Variants in HPS1 observed in about 807,000 individuals in gnomAD.
HPS1 encodes the protein BLOC-3 complex member HPS1.
Under a neutral mutation model 90.6 loss-of-function variants are expected in HPS1, and 59 were observed. The ratio of observed to expected loss-of-function variants is 0.65; its 90% CI spans 0.53 to 0.81. The LOEUF is 0.81. HPS1 is among the 30% of genes least tolerant of loss of function. The probability of loss-of-function intolerance (pLI) is 0.00; values close to 1 mark genes in which losing one functional copy is unlikely to be tolerated. For missense variants in HPS1, 849 were observed against 896.7 expected, an observed-to-expected ratio of 0.95 and a Z score of 0.68; for synonymous variants, 388 against 384.4, an observed-to-expected ratio of 1.01 and a Z score of -0.11.
At position 98,431,286 on chromosome 10, in the gene HPS1, C is replaced by T; in HGVS notation, c.513G>A (p.Leu171=). ...AGAGCTGGGGGTGAATCAGTCGCTCCAGGGCCTAGCCAGGGCAGGAAGGGA... is the reference window on the plus strand; with the variant it reads ...AGAGCTGGGGGTGAATCAGTCGCTCTAGGGCCTAGCCAGGGCAGGAAGGGA... ...EQEQCFAVEA[L]ERLIHPQLCE... is the part of the protein sequence containing the mutation. The change falls in exon 7 of 20, where the codon CTG becomes CTA. Residue 171 remains leucine (L), a synonymous_variant. Coordinates refer to ENST00000361490, the MANE Select transcript of HPS1 (RefSeq NM_000195.5). 3 of 1,613,608 alleles carry T rather than the reference C, an allele frequency of 1.9e-6. No homozygotes were observed. The highest frequency in any genetic ancestry group is 2.5e-6 in the Non-Finnish European group (3 of 1,179,992).
chr10:98,421,792 C>T (rs2136115972), intron 17 of HPS1, among the ~76,000 whole-genome samples: 1 of 152,322 alleles, frequency 6.6e-6, no homozygotes, highest in Admixed American at 6.5e-5. Flanking sequence ...ACTATTATTT[C>T]CTTCTACAGA....
rs1846942274 is a variant in HPS1, at chr10:98,434,109, G to C, written c.399-18C>G. The C allele has an allele frequency of 6.5e-7, 1 of 1,545,262 alleles. No individual in the cohort carries two copies. Among genetic ancestry groups the C allele is most frequent in the East Asian group, 2.4e-5 (1 of 40,892 alleles). ...GCCGCAGCCTGGGGGCAGAGCCAGA[G>C]AGGGCGGGAGAGATCACAAGAAAGC... On this transcript the variant is annotated intron_variant, in intron 5 of 19. Coordinates refer to ENST00000361490, the MANE Select transcript of HPS1 (RefSeq NM_000195.5).
chr10:98,420,022 C>A, intron 18 of HPS1, 23 bp downstream of exon 18: 1 of 1,469,668 alleles, frequency 6.8e-7, no homozygotes, highest in South Asian at 1.1e-5. Context: ...CCCGTCCTGG[C>A]CCAGGGACTC....
downstream of HPS1, among the ~76,000 whole-genome samples, chr10:98,415,408 A>T (rs919646754): frequency 1.3e-5 from 2 of 152,232 alleles, no homozygotes; most frequent in East Asian, 3.9e-4. Context: ...TGGGGTTCCT[A>T]TGTCAGGCTG....
Position 98,425,907 on chromosome 10 carries a change from T to G in HPS1, c.1066A>C (p.Asn356His). The G allele has an allele frequency of 6.2e-7, 1 of 1,614,132 alleles. No homozygotes were observed. The highest frequency in any genetic ancestry group is 8.5e-7 in the Non-Finnish European group (1 of 1,179,998). The change falls in exon 12 of 20, where the codon AAC becomes CAC. Residue 356 changes from asparagine (N) to histidine (H), a missense_variant. Coordinates refer to ENST00000361490, the MANE Select transcript of HPS1 (RefSeq NM_000195.5). ...AGGGGGCAGTAGCTTTCCTTCACGT[T>G]GGCATCCAGGAAGATCCTTCTGGGG... is the stretch of plus-strand genomic sequence containing the variant. ...SGPRRIFLDANVKESYCPLVP... is the reference protein window; with the variant it reads ...SGPRRIFLDAHVKESYCPLVP...
At chr10:98,424,973 C>A (rs911656804) in intron 13 of HPS1, among the ~76,000 whole-genome samples, 33 of 152,360 alleles carry the variant, frequency 2.2e-4, no homozygotes, top group African/African-American at 7.7e-4. Context: ...CAAGCCCCAC[C>A]AGCCCCACTG....
chr10:98,435,470 C>A lies in HPS1; in HGVS notation c.256-56G>T. ...GCCCCAAGGGCACTCCCTTCACCTGCCCTGGTCTCTGCAGACAAGCCAGGG... is the reference window on the plus strand; with the variant it reads ...GCCCCAAGGGCACTCCCTTCACCTGACCTGGTCTCTGCAGACAAGCCAGGG... On this transcript the variant is annotated intron_variant, in intron 4 of 19. Coordinates refer to ENST00000361490, the MANE Select transcript of HPS1 (RefSeq NM_000195.5). The surrounding 1 kb of genome is among the most constrained non-coding windows in gnomAD (Gnocchi z 4.3). The A allele has an allele frequency of 6.2e-7, 1 of 1,613,342 alleles. No homozygotes were observed. Among genetic ancestry groups the A allele is most frequent in the Non-Finnish European group, 8.5e-7 (1 of 1,179,722 alleles).
At chr10:98,441,071 G>GTC (rs1420677187) in intron 3 of HPS1, among the ~76,000 whole-genome samples, 1 of 152,174 alleles carries the variant, frequency 6.6e-6, no homozygotes, top group Non-Finnish European at 1.5e-5. Flanking sequence ...ACTCCCTGAG[G>GTC]TGGAGTCAGC....
Position 98,416,925 on chromosome 10 carries a change from C to A in HPS1, c.*639G>T, listed in dbSNP as rs1025107350. On this transcript the variant is annotated 3_prime_UTR_variant, in exon 20 of 20. Coordinates refer to ENST00000361490, the MANE Select transcript of HPS1 (RefSeq NM_000195.5). Reference sequence around the variant, plus strand: ...AGGGCCAGGGGCTTGAGAACCCCAGCCCTAGGGCAGACGCCAGCCAAGCAT... The same window carrying A: ...AGGGCCAGGGGCTTGAGAACCCCAGACCTAGGGCAGACGCCAGCCAAGCAT... 1.3e-5 allele frequency: 2 copies of A among 152,474 alleles called. No homozygotes were observed. The highest frequency in any genetic ancestry group is 2.9e-5 in the Non-Finnish European group (2 of 68,124). 9.4% of individuals were successfully genotyped at this position (152,474 alleles called of 1,614,324 possible).
chr10:98,439,551 G>T (rs573445900), intron 3 of HPS1, among the ~76,000 whole-genome samples: 9 of 152,314 alleles, frequency 5.9e-5, no homozygotes, highest in Non-Finnish European at 1.2e-4. Context: ...CTCCCATTTG[G>T]AATGGGAACA....
Position 98,435,882 on chromosome 10 carries a change from C to T in HPS1, c.118-110G>A. ...AAGGGTTCCATAGTGTTAGACCCTCCTGGGAGGGTATCACTGTCCTGGTAG... is the reference window on the plus strand; with the variant it reads ...AAGGGTTCCATAGTGTTAGACCCTCTTGGGAGGGTATCACTGTCCTGGTAG... On this transcript the variant is annotated intron_variant, in intron 3 of 19. Transcript: ENST00000361490. The surrounding 1 kb of genome is among the most constrained non-coding windows in gnomAD (Gnocchi z 4.3). 1 of 1,376,552 alleles carries T rather than the reference C, an allele frequency of 7.3e-7. No homozygotes were observed. Among genetic ancestry groups the T allele is most frequent in the South Asian group, 1.2e-5 (1 of 81,000 alleles). The allele number at this position is 1,376,552 out of a possible 1,614,324, so 85.3% of individuals were successfully genotyped here. A position where few individuals can be genotyped will look rare whatever the true frequency, so the allele number is the denominator to read the frequency against.
At chr10:98,434,193 G>A (rs1846955566) in intron 5 of HPS1, 102 bp from the exon 6 acceptor site, 2 of 1,208,228 alleles carry the variant, frequency 1.7e-6, no homozygotes, top group Non-Finnish European at 2.3e-6. Context: ...AGAGCTTGGT[G>A]AGCCCATATG....
At chr10:98,431,420 G>A (rs1846458886) in intron 6 of HPS1, 129 bp from the exon 7 acceptor site, 1 of 1,009,262 alleles carries the variant, frequency 9.9e-7, no homozygotes. Flanking sequence ...CTTGGAAACA[G>A]GGGGACTAAG....
intron 1 of HPS1, among the ~76,000 whole-genome samples, chr10:98,446,040 T>G (rs1939455273): frequency 6.6e-6 from 1 of 152,188 alleles, no homozygotes; most frequent in East Asian, 1.9e-4. Flanking sequence ...CCAGCTTCCC[T>G]TCTTCAAATA....
intron 14 of HPS1, 52 bp from the exon 15 acceptor site, chr10:98,423,939 T>C (rs752985377): frequency 2.5e-6 from 4 of 1,605,060 alleles, no homozygotes; most frequent in Non-Finnish European, 2.5e-6. Flanking sequence ...GGGGAGCCCC[T>C]CGCCCTGTGT....
Position 98,423,701 on chromosome 10 carries a change from G to C in HPS1, c.1533-33C>G, listed in dbSNP as rs748585967. On this transcript the variant is annotated intron_variant, in intron 15 of 19. Coordinates refer to ENST00000361490, the MANE Select transcript of HPS1 (RefSeq NM_000195.5). ...GGGAAGCTCGGGCTGCGTGAAGGAAGTACGGGCCCCAGACCCTGCCCTGGC... is the reference window on the plus strand; with the variant it reads ...GGGAAGCTCGGGCTGCGTGAAGGAACTACGGGCCCCAGACCCTGCCCTGGC... 1.9e-6 allele frequency: 3 copies of C among 1,614,098 alleles called. No homozygotes were observed. The East Asian group carries it at 6.7e-5, about 36-fold the overall frequency.
At position 98,429,884 on chromosome 10, in the gene HPS1, G is replaced by A; in HGVS notation, c.774C>T (p.Ser258=). Residue 258 remains serine (S), a synonymous_variant, in exon 9 of 20, where the codon TCC becomes TCT. Coordinates refer to ENST00000361490, the MANE Select transcript of HPS1 (RefSeq NM_000195.5). ...TCTGGCTGCTCCGGGCCCTCCGCGG[G>A]GAAGGCTGTGCAGGGCAGGGGAGAG... ...ESTAEDDIQP[S]PRRARSSQNI... 1.9e-6 allele frequency: 3 copies of A among 1,610,764 alleles called. No individual in the cohort carries two copies. The highest frequency in any genetic ancestry group is 1.7e-6 in the Non-Finnish European group (2 of 1,179,890).
Position 98,417,808 on chromosome 10 carries a change from A to C in HPS1, c.1941-82T>G. 7.4e-7 allele frequency: 1 copy of C among 1,346,664 alleles called. No homozygotes were observed. The allele number at this position is 1,346,664 out of a possible 1,614,324, so 83.4% of individuals were successfully genotyped here. ...CCAGAGGCCTCTCTGGGCCCTCGCA[A>C]GCAAATGCCCATGCCCTCGGTCATC... On this transcript the variant is annotated intron_variant, in intron 19 of 19. Transcript: ENST00000361490. The surrounding 1 kb of genome is among the most constrained non-coding windows in gnomAD (Gnocchi z 4.2).
intron 10 of HPS1, among the ~76,000 whole-genome samples, chr10:98,428,419 T>C (rs760766312): frequency 3.9e-5 from 6 of 152,228 alleles, no homozygotes; most frequent in Non-Finnish European, 8.8e-5. Flanking sequence ...GGGCAAAGCA[T>C]GCTGTAACCT....
Sources: allele counts gnomAD v4.1 joint callset (sites outside exome capture counted in the v4.1 genomes callset), GRCh38; gene constraint gnomAD v4.1.1; non-coding constraint Gnocchi (gnomAD v3.1); transcripts MANE v1.5; gene names NCBI Gene and HGNC (gene_info 2026-07-23, HGNC 2026-07-21).